Variants in YIPF1 observed in about 807,000 individuals in gnomAD.
YIPF1 encodes protein YIPF1.
A neutral mutation model predicts 37.0 loss-of-function variants in YIPF1; 22 were observed. That is an observed-to-expected ratio of 0.59 (90% CI 0.42 to 0.85). The LOEUF is 0.85. Ranked by LOEUF, YIPF1 falls within the 40% of genes least tolerant of loss-of-function variation. The pLI is 0.00. For synonymous variants in YIPF1, 128 were observed against 131.9 expected (o/e 0.97, Z 0.21); for missense variants, 355 against 373.1 (o/e 0.95, Z 0.40).
rs1344137602 is a variant in YIPF1 at position 53,877,204 on chromosome 1, CAAGT to C, written c.364+1107_364+1110del. 5.9e-5 allele frequency among the ~76,000 whole-genome samples: 9 copies of C among 152,254 alleles called. No homozygotes were observed. In the East Asian group the frequency reaches 1.4e-3, roughly 23 times the overall value. ...TGCCCCTCAGGATGTTCTCAGGCTACAAGTAAGAATGAATGAGACAGAGAAACCA... is the reference window on the plus strand; with the variant it reads ...TGCCCCTCAGGATGTTCTCAGGCTACAAGAATGAATGAGACAGAGAAACCA... On this transcript the variant is annotated intron_variant, in intron 6 of 10. Transcript: ENST00000072644.
At chr1:53,858,011 A>C (rs1429382577) in intron 10 of YIPF1, among the ~76,000 whole-genome samples, 3 of 151,616 alleles carry the variant, frequency 2.0e-5, no homozygotes, top group Non-Finnish European at 2.9e-5. Flanking sequence ...GTGTTTTGTC[A>C]AATGGAATGT....
chr1:53,885,463 G>A (rs1436400611), intron 3 of YIPF1, among the ~76,000 whole-genome samples: 2 of 151,984 alleles, frequency 1.3e-5, no homozygotes, highest in African/African-American at 2.4e-5. Context: ...AGCCGAGATC[G>A]CACCACTGCA....
chr1:53,861,051 GCT>G (rs768634299), intron 9 of YIPF1, among the ~76,000 whole-genome samples: 1 of 152,182 alleles, frequency 6.6e-6, no homozygotes, highest in African/African-American at 2.4e-5. Context: ...CACCAGCTCT[GCT>G]CTCTATCAGC....
chr1:53,852,791 A>G (rs918500375), intron 10 of YIPF1, among the ~76,000 whole-genome samples: 5 of 152,228 alleles, frequency 3.3e-5, no homozygotes, highest in African/African-American at 4.8e-5. Flanking sequence ...CCAAAAAAAA[A>G]AAGTTTCTAA....
At chr1:53,887,224 C>T (rs1409594980) in intron 3 of YIPF1, among the ~76,000 whole-genome samples, 4 of 151,838 alleles carry the variant, frequency 2.6e-5, no homozygotes, top group Admixed American at 6.6e-5. Context: ...GGATTACAGG[C>T]GTGCACCACC....
chr1:53,857,456 T>C (rs1649748857), intron 10 of YIPF1, among the ~76,000 whole-genome samples: 1 of 152,190 alleles, frequency 6.6e-6, no homozygotes, highest in South Asian at 2.1e-4. Flanking sequence ...AGCCAAAGGC[T>C]AGCAGTGAGA....
Position 53,860,094 on chromosome 1 carries a change from G to A in YIPF1, c.891C>T (p.Asn297=), listed in dbSNP as rs1649826000. 6.2e-7 allele frequency: 1 copy of A among 1,614,132 alleles called. No individual in the cohort carries two copies. Among genetic ancestry groups the A allele is most frequent in the South Asian group, 1.1e-5 (1 of 91,082 alleles). ...DHLPTTTATP[N]QTVAAAKSS ...TGGACTTGGCTGCAGCAACTGTTTG[G>A]TTTGGAGTAGCTGTAGTTGTTGGGA... Residue 297 remains asparagine (N), a synonymous_variant, in exon 10 of 11, where the codon AAC becomes AAT. Coordinates refer to ENST00000072644, the MANE Select transcript of YIPF1 (RefSeq NM_018982.5).
intron 4 of YIPF1, 178 bp downstream of exon 4, chr1:53,882,935 G>A: frequency 5.2e-6 from 3 of 576,982 alleles, no homozygotes; most frequent in Non-Finnish European, 8.3e-6. Flanking sequence ...CTCCACAAGT[G>A]TACTTACGGA....
At chr1:53,853,933 A>G (rs1053107673) in intron 10 of YIPF1, among the ~76,000 whole-genome samples, 1 of 152,192 alleles carries the variant, frequency 6.6e-6, no homozygotes, top group Non-Finnish European at 1.5e-5. Context: ...TGTCAAGACT[A>G]GGGAAGAATA....
At chr1:53,888,677 T>G (rs1294415552) in intron 3 of YIPF1, among the ~76,000 whole-genome samples, 5 of 152,220 alleles carry the variant, frequency 3.3e-5, no homozygotes, top group Admixed American at 6.5e-5. Flanking sequence ...CTGTAATCAC[T>G]GTACTAAATT....
At chr1:53,859,942 T>C (rs1649821098) in intron 10 of YIPF1, 114 bp downstream of exon 10, 1 of 1,024,770 alleles carries the variant, frequency 9.8e-7, no homozygotes, top group African/African-American at 1.6e-5. Flanking sequence ...CGCTGAACTG[T>C]GCAGAAGGAT....
chr1:53,886,656 C>T (rs1157098456), intron 3 of YIPF1: 1 of 151,548 alleles, frequency 6.6e-6, no homozygotes, highest in African/African-American at 2.4e-5. Flanking sequence ...CTGCCTCCTC[C>T]TAAGCCTCAC....
intron 9 of YIPF1, 56 bp downstream of exon 9, chr1:53,866,144 G>A (rs1478096383): frequency 2.5e-6 from 4 of 1,574,196 alleles, no homozygotes; most frequent in Non-Finnish European, 3.5e-6. Flanking sequence ...ACAGTTTGAG[G>A]TCTTTTAGCA....
intron 4 of YIPF1, among the ~76,000 whole-genome samples, chr1:53,880,529 T>C (rs930110957): frequency 6.6e-6 from 1 of 152,208 alleles, no homozygotes; most frequent in Admixed American, 6.5e-5. Flanking sequence ...TAAACTACCA[T>C]TGACATTCTT....
Position 53,866,906 on chromosome 1 carries a change from A to G in YIPF1, c.500T>C (p.Ile167Thr), listed in dbSNP as rs1348596474. The G allele has an allele frequency of 6.2e-7, 1 of 1,612,860 alleles. No homozygotes were observed. Among genetic ancestry groups the G allele is most frequent in the South Asian group, 1.1e-5 (1 of 90,872 alleles). ...AACCAGCCAGGCATAGGCATAGATG[A>G]TGGTAGCTGCTATGGACACTGAGGA... ...EFRKVSIAAT[I>T]IYAYAWLVPL... The change falls in exon 8 of 11, where the codon ATC (isoleucine) becomes ACC (threonine). Residue 167 changes from isoleucine to threonine, a missense_variant. By Grantham distance (89) the Ile-to-Thr change is moderately conservative. Coordinates refer to ENST00000072644, the MANE Select transcript of YIPF1 (RefSeq NM_018982.5).
chr1:53,853,821 G>T (rs1183412953), intron 10 of YIPF1, among the ~76,000 whole-genome samples: 1 of 152,152 alleles, frequency 6.6e-6, no homozygotes, highest in Non-Finnish European at 1.5e-5. Context: ...GCTAAATAAA[G>T]GTAGGGACAA....
intron 6 of YIPF1, among the ~76,000 whole-genome samples, chr1:53,872,971 A>G (rs1032098844): frequency 2.6e-5 from 4 of 152,294 alleles, no homozygotes; most frequent in African/African-American, 9.6e-5. Context: ...CTATAGCCAA[A>G]AAGCTTTACT....
At chr1:53,880,251 C>T (rs182817211) in intron 4 of YIPF1, among the ~76,000 whole-genome samples, 1 of 151,926 alleles carries the variant, frequency 6.6e-6, no homozygotes, top group African/African-American at 2.4e-5. Flanking sequence ...TGTTAGTATT[C>T]CTATACACCG....
In YIPF1 at chr1:53,860,156, G is replaced by T. The variant is rs758884746; in HGVS notation, c.832-3C>A. 9.3e-6 allele frequency: 15 copies of T among 1,613,784 alleles called. No individual in the cohort carries two copies. Among genetic ancestry groups the T allele is most frequent in the Non-Finnish European group, 1.3e-5 (15 of 1,179,868 alleles). On this transcript the variant is annotated splice_region_variant and splice_polypyrimidine_tract_variant and intron_variant, in intron 9 of 10. Transcript: ENST00000072644. Reference sequence around the variant, plus strand: ...TCTGGTGCATCAAAAAAGTATGCCTGTGGGGAAAAAAAGACCCAGGAGGGA... The same window carrying T: ...TCTGGTGCATCAAAAAAGTATGCCTTTGGGGAAAAAAAGACCCAGGAGGGA...
Sources: gnomAD v4.1 joint callset for allele counts (sites outside exome capture counted in the v4.1 genomes callset) on GRCh38, gnomAD v4.1.1 for gene constraint, MANE v1.5 for transcripts, NCBI Gene and HGNC (gene_info 2026-07-23, HGNC 2026-07-21) for gene names.